The following ZNF821 variants were observed in gnomAD, a reference collection of about 807,000 sequenced individuals.
The protein encoded by ZNF821 is zinc finger protein 821.
In ZNF821, 16 loss-of-function variants were observed where a neutral mutation model predicts 44.3. The ratio of observed to expected loss-of-function variants is 0.36; its 90% CI spans 0.24 to 0.55. The LOEUF (loss-of-function observed/expected upper bound fraction) is 0.55, where lower values mean the gene tolerates loss of function less well. ZNF821 is among the 20% of genes least tolerant of loss of function. The pLI is 0.86. For missense variants in ZNF821, 436 were observed against 547.6 expected (o/e 0.80, Z 2.03); for synonymous variants, 204 against 197.6 (o/e 1.03, Z -0.27).
At chr16:71,872,527 G>A (rs572676910) in intron 3 of ZNF821, among the ~76,000 whole-genome samples, 1 of 152,150 alleles carries the variant, frequency 6.6e-6, no homozygotes, top group East Asian at 2.0e-4. Context: ...GCAGGAGAAT[G>A]GAGTGAACTC....
In ZNF821 at chr16:71,867,916, A is replaced by G; in HGVS notation, c.162T>C (p.Ser54=). The G allele has an allele frequency of 6.5e-7, 1 of 1,535,842 alleles. No individual in the cohort carries two copies. The highest frequency in any genetic ancestry group is 8.7e-7 in the Non-Finnish European group (1 of 1,146,808). Residue 54 remains serine (S), a synonymous_variant, in exon 4 of 8, where the codon AGT becomes AGC. Coordinates refer to ENST00000425432, the MANE Select transcript of ZNF821 (RefSeq NM_001201552.2). ...ACCAGAAGGTGCAGAACTCACTGCTACTGGAGTCCTGATCTCTTAGTTGTT... is the reference window on the plus strand; with the variant it reads ...ACCAGAAGGTGCAGAACTCACTGCTGCTGGAGTCCTGATCTCTTAGTTGTT... ...AIQQLRDQDS[S]SSDSEGDEEE...
rs564827442 is a variant in ZNF821, at chr16:71,893,276, C to G, written n.448+1613G>C. ...TCTCCTGACCTCGTGATCCTCCCGC[C>G]TCGGCCTCCCAAAGTGCTGGGATTA... On this transcript the variant is annotated intron_variant and non_coding_transcript_variant, in intron 1 of 2. Coordinates refer to the ZNF821 transcript ENST00000561700. Among the ~76,000 whole-genome samples, 3 of 151,952 alleles carry G rather than the reference C, an allele frequency of 2.0e-5. No homozygotes were observed. In the East Asian group the frequency reaches 5.8e-4, roughly 29 times the overall value.
At chr16:71,872,890 GTGTTT>G (rs1454974235) in intron 3 of ZNF821, among the ~76,000 whole-genome samples, 1 of 151,478 alleles carries the variant, frequency 6.6e-6, no homozygotes, top group African/African-American at 2.5e-5. Context: ...AGTCACTCAT[GTGTTT>G]TACAATCTGA....
At chr16:71,891,179 C>G (rs1385376338) in intron 1 of ZNF821, among the ~76,000 whole-genome samples, 5 of 152,172 alleles carry the variant, frequency 3.3e-5, no homozygotes. Flanking sequence ...GTTATAGATT[C>G]TTATTTTATT....
At chr16:71,890,968 GT>G (rs1431025549) in intron 1 of ZNF821, among the ~76,000 whole-genome samples, 3 of 150,620 alleles carry the variant, frequency 2.0e-5, no homozygotes, top group Non-Finnish European at 3.0e-5. Flanking sequence ...CGGAGACGGG[GT>G]TTCACTGTGT....
intron 3 of ZNF821, among the ~76,000 whole-genome samples, chr16:71,869,061 T>C (rs2034885356): frequency 6.6e-6 from 1 of 152,160 alleles, no homozygotes; most frequent in Non-Finnish European, 1.5e-5. Flanking sequence ...ATGAGGCTAC[T>C]GAAGAGTTAG....
chr16:71,872,122 C>T (rs1022462564), intron 3 of ZNF821, among the ~76,000 whole-genome samples: 1 of 151,976 alleles, frequency 6.6e-6, no homozygotes, highest in African/African-American at 2.4e-5. Context: ...TGAGCCACTG[C>T]GCCCGGCCTG....
intron 3 of ZNF821, among the ~76,000 whole-genome samples, chr16:71,874,995 T>G (rs1301906697): frequency 6.6e-6 from 1 of 152,222 alleles, no homozygotes; most frequent in Non-Finnish European, 1.5e-5. Flanking sequence ...TTTTTCTTTT[T>G]TAGTCAAGCT....
At chr16:71,863,360 T>A (rs753011203) in intron 6 of ZNF821, among the ~76,000 whole-genome samples, 1 of 151,324 alleles carries the variant, frequency 6.6e-6, no homozygotes, top group Non-Finnish European at 1.5e-5. Context: ...CTAATATATC[T>A]CATTTATTTT....
chr16:71,886,293 A>G (rs776597356), upstream of ZNF821, among the ~76,000 whole-genome samples: 19 of 152,326 alleles, frequency 1.2e-4, no homozygotes, highest in Middle Eastern at 3.4e-3. Flanking sequence ...CCAGCTACTC[A>G]GGAGGCTGAG....
chr16:71,866,084 C>T (rs892309709), intron 4 of ZNF821, among the ~76,000 whole-genome samples: 1 of 152,208 alleles, frequency 6.6e-6, no homozygotes, highest in Non-Finnish European at 1.5e-5. Context: ...AGCTGTCACA[C>T]TCCAGCCCTA....
At chr16:71,877,855 G>C (rs2142450094) in intron 3 of ZNF821, among the ~76,000 whole-genome samples, 1 of 151,226 alleles carries the variant, frequency 6.6e-6, no homozygotes, top group African/African-American at 2.4e-5. Flanking sequence ...AGGAGGTCGA[G>C]GTTGCAGTGA....
intron 7 of ZNF821, 35 bp downstream of exon 7, chr16:71,861,741 G>T: frequency 6.2e-7 from 1 of 1,609,456 alleles, no homozygotes; most frequent in African/African-American, 1.3e-5. Context: ...CCAGTAATTT[G>T]CTCCCAGCAC....
At chr16:71,864,812 G>A (rs2034347104) in intron 5 of ZNF821, 91 bp downstream of exon 5, 1 of 1,539,572 alleles carries the variant, frequency 6.5e-7, no homozygotes, top group Non-Finnish European at 8.8e-7. Context: ...GACCATCAGA[G>A]GCAAGACTGT....
chr16:71,867,994 C>T lies in ZNF821; in HGVS notation c.84G>A (p.Ala28=), dbSNP rs1298348485. ...FAGLEEQARQ[A]MMKTDFPGDL... ...CTCCAGGAAAATCAGTTTTCATCAT[C>T]GCCTGGCGGGCTTGCTCTTCTAGCC... Residue 28 remains alanine (A), a synonymous_variant, in exon 4 of 8, where the codon GCG becomes GCA. Coordinates refer to ENST00000425432, the MANE Select transcript of ZNF821 (RefSeq NM_001201552.2). 17 of 1,535,950 alleles carry T rather than the reference C, an allele frequency of 1.1e-5. No homozygotes were observed. Among genetic ancestry groups the T allele is most frequent in the Admixed American group, 5.9e-5 (3 of 50,962 alleles).
At chr16:71,880,068 C>T in intron 2 of ZNF821, 45 bp from the exon 3 acceptor site, 1 of 878,692 alleles carries the variant, frequency 1.1e-6, no homozygotes, top group Admixed American at 2.7e-5. Context: ...TTTTCCCCAG[C>T]AGTTACACAA....
intron 3 of ZNF821, among the ~76,000 whole-genome samples, chr16:71,876,464 C>A (rs1336598308): frequency 6.6e-6 from 1 of 152,186 alleles, no homozygotes; most frequent in Admixed American, 6.5e-5. Flanking sequence ...CTCGGCCTCC[C>A]AAAGTGCTGG....
intron 2 of ZNF821, chr16:71,881,182 G>C (rs1029914035): frequency 4.6e-5 from 7 of 152,182 alleles, no homozygotes; most frequent in East Asian, 3.8e-4. Flanking sequence ...ATTGCCTTAA[G>C]AGGAGTTATG....
chr16:71,880,765 G>A (rs1211644389), intron 2 of ZNF821, among the ~76,000 whole-genome samples: 6 of 152,156 alleles, frequency 3.9e-5, no homozygotes, highest in Admixed American at 3.9e-4. Context: ...TTCCAGAGAG[G>A]TGGTCAAAGT....
Sources: allele counts gnomAD v4.1 joint callset (sites outside exome capture counted in the v4.1 genomes callset), GRCh38; gene constraint gnomAD v4.1.1; transcripts MANE v1.5; gene names NCBI Gene and HGNC (gene_info 2026-07-23, HGNC 2026-07-21).